Variants in UTY observed in about 807,000 individuals in gnomAD.
UTY encodes ubiquitously transcribed tetratricopeptide repeat containing, Y-linked.
Under a neutral mutation model 32.5 loss-of-function variants are expected in UTY, and 12 were observed. That is an observed-to-expected ratio of 0.37 (90% CI 0.24 to 0.60). UTY has a LOEUF of 0.60. Among genes scored for constraint, UTY ranks in the 20% least tolerant of loss-of-function variants. The pLI is 0.69. For synonymous variants in UTY, 131 were observed against 103.4 expected (o/e 1.27, Z -1.62); for missense variants, 303 against 299.2 (o/e 1.01, Z -0.09).
At chrY:13,336,487 T>C in intron 17 of UTY, 152 bp from the exon 18 acceptor site, 1 of 155,568 alleles carries the variant, frequency 6.4e-6, no homozygotes, top group South Asian at 5.3e-5. Context: ...CATTTAAAAG[T>C]TCCCGTAATC....
At chrY:13,453,940 C>A (rs2076524619) in intron 3 of UTY, among the ~76,000 whole-genome samples, 1 of 31,923 alleles carries the variant, frequency 3.1e-5, no homozygotes, top group Non-Finnish European at 7.6e-5. Context: ...AAGAATTGAA[C>A]GCCGGGTGCA....
chrY:13,260,531 C>A, intron 27 of UTY, 127 bp from the exon 28 acceptor site: 1 of 127,046 alleles, frequency 7.9e-6, no homozygotes, highest in Non-Finnish European at 1.4e-5. Context: ...TTCTTTTCCT[C>A]AAATTTTCAA....
chrY:13,291,697 GAACT>G (rs2057769149), intron 27 of UTY, among the ~76,000 whole-genome samples: 2 of 32,592 alleles, frequency 6.1e-5, no homozygotes, highest in East Asian at 1.6e-3. Context: ...ATGTACTCAA[GAACT>G]AACATAAAAT....
intron 10 of UTY, among the ~76,000 whole-genome samples, chrY:13,361,022 A>G: frequency 3.0e-5 from 1 of 33,839 alleles, no homozygotes; most frequent in African/African-American, 1.2e-4. Context: ...AATGATCAAC[A>G]TGTAATTCTC....
chrY:13,356,529 T>TGC (rs2062943672), intron 15 of UTY, among the ~76,000 whole-genome samples: 1 of 29,527 alleles, frequency 3.4e-5, no homozygotes, highest in Non-Finnish European at 8.0e-5. Context: ...AAAGGCGTGG[T>TGC]GCCTCATACC....
intron 28 of UTY, among the ~76,000 whole-genome samples, chrY:13,237,175 G>A: frequency 3.0e-5 from 1 of 33,771 alleles, no homozygotes; most frequent in Non-Finnish European, 7.4e-5. Context: ...CATGATCAGA[G>A]GATATTAAAT....
intron 27 of UTY, chrY:13,297,466 C>A (rs541541259): frequency 5.5e-6 from 1 of 180,373 alleles, no homozygotes; most frequent in Non-Finnish European, 8.2e-6. Flanking sequence ...TCATGTACAT[C>A]TTTATTCCTC....
intron 27 of UTY, among the ~76,000 whole-genome samples, chrY:13,294,133 A>G (rs2057901345): frequency 6.0e-5 from 2 of 33,500 alleles, no homozygotes; most frequent in Admixed American, 2.7e-4. Flanking sequence ...ATGAAATCAC[A>G]AAAGACTTCC....
chrY:13,299,207 GA>G, intron 25 of UTY, 63 bp from the exon 26 acceptor site: 1 of 217,468 alleles, frequency 4.6e-6, no homozygotes, highest in Non-Finnish European at 6.9e-6. Flanking sequence ...AGAAAATAAT[GA>G]AAAATCAACT....
At chrY:13,287,962 CTAAAT>C (rs2057516470) in intron 27 of UTY, among the ~76,000 whole-genome samples, 1 of 32,860 alleles carries the variant, frequency 3.0e-5, no homozygotes, top group Non-Finnish European at 7.5e-5. Flanking sequence ...CTATGATAAA[CTAAAT>C]GTGCCCGTAC....
chrY:13,266,143 G>A, intron 27 of UTY, among the ~76,000 whole-genome samples: 1 of 33,042 alleles, frequency 3.0e-5, no homozygotes, highest in Non-Finnish European at 7.5e-5. Context: ...GTCTGGTGCT[G>A]AGTTTTTTTT....
chrY:13,241,730 T>C (rs1331111717), intron 28 of UTY, among the ~76,000 whole-genome samples: 59 of 33,710 alleles, frequency 1.8e-3, no homozygotes, highest in African/African-American at 1.2e-4. Context: ...TATAAACTAA[T>C]TGCAAAAACT....
intron 21 of UTY, among the ~76,000 whole-genome samples, chrY:13,314,241 C>T (rs1026923498): frequency 3.1e-5 from 1 of 32,640 alleles, no homozygotes; most frequent in African/African-American, 1.2e-4. Flanking sequence ...AGTTAAACCC[C>T]GTCTCTACTA....
rs780399749 is a variant in UTY, at chrY:13,286,920, C to T, written c.4010+10787G>A. ...CAGCAGATCCCAGGTACAGAGGGCA[C>T]GCTATGAGGCAGCTAACTGGAAATA... On this transcript the variant is annotated intron_variant, in intron 27 of 29. Transcript: ENST00000545955. 1.6e-5 allele frequency: 6 copies of T among 381,985 alleles called. No individual in the cohort carries two copies. The African/African-American group carries it at 2.6e-4, about 17-fold the overall frequency.
At chrY:13,462,865 A>G (rs2077504641) in intron 3 of UTY, among the ~76,000 whole-genome samples, 1 of 30,848 alleles carries the variant, frequency 3.2e-5, no homozygotes, top group Non-Finnish European at 7.7e-5. Context: ...ATATATATAT[A>G]TGTACATATT....
chrY:13,251,931 A>G, intron 28 of UTY, among the ~76,000 whole-genome samples: 1 of 32,029 alleles, frequency 3.1e-5, no homozygotes, highest in Admixed American at 2.8e-4. Flanking sequence ...CTGTAATCCC[A>G]GCACTTTGGG....
intron 3 of UTY, among the ~76,000 whole-genome samples, chrY:13,465,462 A>T: frequency 2.9e-5 from 1 of 34,273 alleles, no homozygotes; most frequent in Non-Finnish European, 7.3e-5. Flanking sequence ...TAGGAACTTT[A>T]TCCTGTATTT....
chrY:13,364,986 T>G (rs2063945392), intron 10 of UTY, among the ~76,000 whole-genome samples: 1 of 33,524 alleles, frequency 3.0e-5, no homozygotes, highest in Non-Finnish European at 7.4e-5. Context: ...ATAAAAATAT[T>G]TCCATATTAA....
chrY:13,412,233 G>A, intron 5 of UTY, among the ~76,000 whole-genome samples: 7 of 33,565 alleles, frequency 2.1e-4, no homozygotes, highest in African/African-American at 8.1e-4. Flanking sequence ...TACTTTGAAA[G>A]TAACAATTTA....
Sources: gnomAD v4.1 joint callset for allele counts (sites outside exome capture counted in the v4.1 genomes callset) on GRCh38, gnomAD v4.1.1 for gene constraint, MANE v1.5 for transcripts, NCBI Gene and HGNC (gene_info 2026-07-23, HGNC 2026-07-21) for gene names.